Variants in MLLT3 observed in about 807,000 individuals in gnomAD.
MLLT3 encodes the protein MLLT3 super elongation complex subunit.
In MLLT3, 4 loss-of-function variants were observed where a neutral mutation model predicts 53.2. The ratio of observed to expected loss-of-function variants is 0.08; its 90% confidence interval spans 0.04 to 0.17. The LOEUF is 0.17. Among genes scored for constraint, MLLT3 ranks in the 10% least tolerant of loss-of-function variants. The pLI is 1.00. For missense variants in MLLT3, 569 were observed against 684.0 expected (o/e 0.83, Z 1.87); for synonymous variants, 283 against 230.6 (o/e 1.23, Z -2.06).
At chr9:20,582,437 T>A (rs1422541883) in intron 2 of MLLT3, among the ~76,000 whole-genome samples, 1 of 152,216 alleles carries the variant, frequency 6.6e-6, no homozygotes, top group African/African-American at 2.4e-5. Context: ...CTGAACTTTT[T>A]ATTGTTTTCA....
Position 20,354,812 on chromosome 9 carries a change from T to C in MLLT3, c.1499A>G (p.Asp500Gly). The C allele has an allele frequency of 6.2e-7, 1 of 1,608,374 alleles. No individual in the cohort carries two copies. Among genetic ancestry groups the C allele is most frequent in the Non-Finnish European group, 8.5e-7 (1 of 1,175,106 alleles). The change falls in exon 9 of 11, where the codon GAC (aspartate) becomes GGC (glycine). Residue 500 changes from aspartate (D) to glycine (G), a missense_variant. By Grantham distance (94) the Asp-to-Gly change is moderately conservative. Transcript: ENST00000380338. ...SDKQIKNGEC[D>G]KAYLDELVEL... ...AGTAACAGACTAGAAACCTACCTTG[T>C]CACATTCACCATTCTTTATTTGCTT...
intron 5 of MLLT3, among the ~76,000 whole-genome samples, chr9:20,400,325 T>C (rs548912238): frequency 3.8e-4 from 58 of 152,274 alleles, no homozygotes; most frequent in Admixed American, 1.1e-3. Flanking sequence ...ATTAAAGAAA[T>C]GTAATACTTT....
intron 2 of MLLT3, among the ~76,000 whole-genome samples, chr9:20,463,376 G>T (rs1344774549): frequency 6.6e-6 from 1 of 152,082 alleles, no homozygotes; most frequent in Non-Finnish European, 1.5e-5. Flanking sequence ...TGTAGCTGAG[G>T]TTAAGTCAAT....
chr9:20,368,001 T>C (rs1000518546), intron 5 of MLLT3, among the ~76,000 whole-genome samples: 2 of 152,230 alleles, frequency 1.3e-5, no homozygotes, highest in African/African-American at 4.8e-5. Flanking sequence ...GCCAGCAATC[T>C]AGCACTCATT....
chr9:20,367,515 G>T (rs1307250579), intron 5 of MLLT3, among the ~76,000 whole-genome samples: 1 of 152,100 alleles, frequency 6.6e-6, no homozygotes, highest in Non-Finnish European at 1.5e-5. Flanking sequence ...CAGTTTTTTT[G>T]AAAGATTCCA....
intron 2 of MLLT3, among the ~76,000 whole-genome samples, chr9:20,478,931 G>A (rs531371220): frequency 1.3e-5 from 2 of 152,264 alleles, no homozygotes; most frequent in East Asian, 3.9e-4. Flanking sequence ...AGGGCCTGGT[G>A]TACAATAGCA....
intron 3 of MLLT3, among the ~76,000 whole-genome samples, chr9:20,449,531 T>C (rs1823789813): frequency 6.6e-6 from 1 of 152,234 alleles, no homozygotes; most frequent in South Asian, 2.1e-4. Context: ...CGCTGCTCTC[T>C]TTGGGGCAGG....
chr9:20,535,731 T>C (rs1179535304), intron 2 of MLLT3, among the ~76,000 whole-genome samples: 1 of 152,188 alleles, frequency 6.6e-6, no homozygotes, highest in African/African-American at 2.4e-5. Flanking sequence ...AGAATTAAAT[T>C]CAGTTCAGGA....
Position 20,342,705 on chromosome 9 carries a change from C to T in MLLT3, c.*3738G>A. 4.8e-6 allele frequency: 1 copy of T among 209,444 alleles called. No individual in the cohort carries two copies. Among genetic ancestry groups the T allele is most frequent in the East Asian group, 7.2e-5 (1 of 13,956 alleles). 13.0% of individuals were successfully genotyped at this position (209,444 alleles called of 1,614,324 possible). A position where few individuals can be genotyped will look rare whatever the true frequency, so the allele number is the denominator to read the frequency against. On this transcript the variant is annotated 3_prime_UTR_variant, in exon 11 of 11. Coordinates refer to ENST00000380338, the MANE Select transcript of MLLT3 (RefSeq NM_004529.4). ...AAAGAGGTCAAAAGATGTAGACTTC[C>T]AGCCCGAGACTAAACTAAACCATGG...
chr9:20,489,322 G>C (rs1316246810), intron 2 of MLLT3, among the ~76,000 whole-genome samples: 2 of 152,126 alleles, frequency 1.3e-5, no homozygotes, highest in Admixed American at 1.3e-4. Flanking sequence ...TATAAACAAT[G>C]TCATTAGAAG....
At position 20,575,816 on chromosome 9, in the gene MLLT3, G is replaced by A. The variant is rs146066039; in HGVS notation, c.193+44838C>T. Among the ~76,000 whole-genome samples the A allele has an allele frequency of 3.1e-3, 477 of 152,284 alleles. 8 individuals carry two copies. Among genetic ancestry groups the A allele is most frequent in the Admixed American group, 0.027 (419 of 15,282 alleles). ...GAGTAGATTTAGCATAAGTCTTAAG[G>A]ACACTAGGATTTTCAGAATGTAAAC... On this transcript the variant is annotated intron_variant, in intron 2 of 10. Coordinates refer to ENST00000380338, the MANE Select transcript of MLLT3 (RefSeq NM_004529.4).
chr9:20,612,743 C>T (rs1820732333), intron 2 of MLLT3, among the ~76,000 whole-genome samples: 1 of 151,380 alleles, frequency 6.6e-6, no homozygotes, highest in African/African-American at 2.4e-5. Flanking sequence ...TAAATGAAAA[C>T]AAAAAGATAC....
At chr9:20,598,330 A>G (rs768159821) in intron 2 of MLLT3, among the ~76,000 whole-genome samples, 1 of 152,340 alleles carries the variant, frequency 6.6e-6, no homozygotes, top group East Asian at 1.9e-4. Flanking sequence ...AACTTATTTA[A>G]ATTACACTGA....
intron 10 of MLLT3, among the ~76,000 whole-genome samples, chr9:20,350,526 C>A (rs985342975): frequency 6.9e-6 from 1 of 144,960 alleles, no homozygotes; most frequent in Non-Finnish European, 1.5e-5. Context: ...ACCCGGGAGG[C>A]GGAGCTTGCA....
intron 4 of MLLT3, among the ~76,000 whole-genome samples, chr9:20,425,312 C>T (rs1823115860): frequency 1.3e-5 from 2 of 152,088 alleles, no homozygotes; most frequent in South Asian, 2.1e-4. Context: ...TCTGGACATT[C>T]ACCTTAGAAT....
At chr9:20,507,869 T>C (rs1482638315) in intron 2 of MLLT3, among the ~76,000 whole-genome samples, 1 of 151,770 alleles carries the variant, frequency 6.6e-6, no homozygotes, top group Non-Finnish European at 1.5e-5. Flanking sequence ...TAAGAATCTA[T>C]AACAATCCAA....
chr9:20,399,316 T>C (rs1017683080), intron 5 of MLLT3, among the ~76,000 whole-genome samples: 1 of 152,140 alleles, frequency 6.6e-6, no homozygotes, highest in Non-Finnish European at 1.5e-5. Flanking sequence ...TATAAATACA[T>C]ACGCATATAT....
Position 20,592,611 on chromosome 9 carries a change from T to C in MLLT3, c.193+28043A>G, listed in dbSNP as rs538248883. 2.6e-5 allele frequency among the ~76,000 whole-genome samples: 4 copies of C among 152,312 alleles called. No homozygotes were observed. In the East Asian group the frequency reaches 5.8e-4, roughly 22 times the overall value. On this transcript the variant is annotated intron_variant, in intron 2 of 10. Transcript: ENST00000380338. Reference sequence around the variant, plus strand: ...ATTCTTAGAACTTCAACATACGAATTTGTGGTGCATGGGTAGGGGGCACAT... The same window carrying C: ...ATTCTTAGAACTTCAACATACGAATCTGTGGTGCATGGGTAGGGGGCACAT...
intron 2 of MLLT3, among the ~76,000 whole-genome samples, chr9:20,583,484 C>T (rs1207886404): frequency 2.0e-5 from 3 of 152,184 alleles, no homozygotes; most frequent in African/African-American, 4.8e-5. Context: ...ATTTCTCTTC[C>T]ACACTGCCCT....
Sources: gnomAD v4.1 joint callset for allele counts (sites outside exome capture counted in the v4.1 genomes callset) on GRCh38, gnomAD v4.1.1 for gene constraint, MANE v1.5 for transcripts, NCBI Gene and HGNC (gene_info 2026-07-23, HGNC 2026-07-21) for gene names.